The following CCR3 variants were observed in gnomAD, a reference collection of about 807,000 sequenced individuals.
CCR3 encodes C-C motif chemokine receptor 3, also known as C-C chemokine receptor type 3.
For missense variants in CCR3, 419 were observed against 437.5 expected (o/e 0.96, Z 0.38); for synonymous variants, 203 against 179.2 (o/e 1.13, Z -1.06).
upstream of CCR3, among the ~76,000 whole-genome samples, chr3:46,240,800 G>A (rs754367733): frequency 1.3e-5 from 2 of 152,132 alleles, no homozygotes; most frequent in Non-Finnish European, 2.9e-5. Flanking sequence ...AGTAGAGCAC[G>A]CTGAGGCACA....
At position 46,265,924 on chromosome 3, in the gene CCR3, A is replaced by G. The variant is rs199831473; in HGVS notation, c.766A>G (p.Asn256Asp). 5.6e-6 allele frequency: 9 copies of G among 1,614,070 alleles called. No homozygotes were observed. Among genetic ancestry groups the G allele is most frequent in the Non-Finnish European group, 7.6e-6 (9 of 1,179,986 alleles). ...AVFFIFWTPY[N>D]VAILLSSYQS... The stretch of plus-strand genomic sequence containing the variant: ...GTTTTTCATTTTCTGGACACCCTAC[A>G]ATGTGGCTATCCTTCTCTCTTCCTA... Residue 256 changes from asparagine to aspartate, a missense_variant, in exon 2 of 2, where the codon AAT (asparagine) becomes GAT (aspartate). Coordinates refer to ENST00000395940, the MANE Select transcript of CCR3 (RefSeq NM_178329.3).
chr3:46,230,873 A>G (rs111886934), intron 2 of CCR3, among the ~76,000 whole-genome samples: 1 of 152,146 alleles, frequency 6.6e-6, no homozygotes, highest in Non-Finnish European at 1.5e-5. Context: ...GTTTTTATTC[A>G]TTCAGGATTT....
intron 1 of CCR3, among the ~76,000 whole-genome samples, chr3:46,257,957 T>C (rs1346647761): frequency 6.6e-6 from 1 of 152,226 alleles, no homozygotes; most frequent in Non-Finnish European, 1.5e-5. Flanking sequence ...GGATTTCTGA[T>C]GTCTAAAGCA....
upstream of CCR3, among the ~76,000 whole-genome samples, chr3:46,239,992 A>C (rs1253699808): frequency 6.6e-6 from 1 of 152,220 alleles, no homozygotes; most frequent in Non-Finnish European, 1.5e-5. Context: ...TAATCTAGCC[A>C]AAACCAGCAG....
intron 1 of CCR3, among the ~76,000 whole-genome samples, chr3:46,257,433 T>C (rs1037361881): frequency 3.3e-5 from 5 of 151,152 alleles, no homozygotes; most frequent in African/African-American, 1.2e-4. Context: ...CAGGCTTTTT[T>C]TTTTTTTTTT....
At chr3:46,257,042 A>G (rs1303601929) in intron 1 of CCR3, among the ~76,000 whole-genome samples, 4 of 152,180 alleles carry the variant, frequency 2.6e-5, no homozygotes, top group African/African-American at 7.2e-5. Context: ...TGCATAAAAC[A>G]TAATAAAACT....
chr3:46,257,260 G>A (rs1342765778), intron 1 of CCR3, among the ~76,000 whole-genome samples: 4 of 151,988 alleles, frequency 2.6e-5, no homozygotes, highest in South Asian at 4.2e-4. Flanking sequence ...TTGGAGAGTC[G>A]TTGTTGTCTA....
chr3:46,252,663 T>C (rs1474818080), intron 1 of CCR3, among the ~76,000 whole-genome samples: 1 of 152,144 alleles, frequency 6.6e-6, no homozygotes, highest in Admixed American at 6.5e-5. Context: ...GCAAGTTGAA[T>C]ATCTAGATGG....
chr3:46,249,187 G>T (rs542863888), intron 1 of CCR3, among the ~76,000 whole-genome samples: 14 of 152,070 alleles, frequency 9.2e-5, no homozygotes, highest in Non-Finnish European at 1.9e-4. Flanking sequence ...GGACGCAAAG[G>T]AGGCTTTGGA....
Position 46,231,856 on chromosome 3 carries a change from C to T in CCR3, c.-67-10546C>T, listed in dbSNP as rs550768921. Among the ~76,000 whole-genome samples, 35 of 152,262 alleles carry T rather than the reference C, an allele frequency of 2.3e-4. 1 individual carries two copies. The South Asian group carries it at 7.2e-3, about 32-fold the overall frequency. On this transcript the variant is annotated intron_variant, in intron 2 of 3. Coordinates refer to the CCR3 transcript ENST00000357422. The stretch of plus-strand genomic sequence containing the variant: ...TATCTTGTTTCAGGAGAAACAAGAT[C>T]TATTGATCTATCCCATCTCTTTCCC...
chr3:46,239,479 G>A (rs1292774454), upstream of CCR3, among the ~76,000 whole-genome samples: 35 of 152,122 alleles, frequency 2.3e-4, no homozygotes, highest in Non-Finnish European at 1.3e-4. Context: ...GTGAAATTAG[G>A]GCTCAGGAAG....
chr3:46,260,751 A>T (rs1375351621), intron 1 of CCR3, among the ~76,000 whole-genome samples: 2 of 152,264 alleles, frequency 1.3e-5, no homozygotes, highest in Admixed American at 1.3e-4. Flanking sequence ...AGGCAGAGGA[A>T]ATTATTTTGA....
chr3:46,258,817 T>C (rs1307879311), intron 1 of CCR3, among the ~76,000 whole-genome samples: 2 of 152,114 alleles, frequency 1.3e-5, no homozygotes, highest in African/African-American at 2.4e-5. Flanking sequence ...AGGAGGATAA[T>C]ACCAAGAGTC....
chr3:46,240,228 CTGGAGCT>C (rs1700065683), upstream of CCR3, among the ~76,000 whole-genome samples: 1 of 152,188 alleles, frequency 6.6e-6, no homozygotes, highest in African/African-American at 2.4e-5. Flanking sequence ...CTCTGCAGGG[CTGGAGCT>C]TCTGAATGTG....
chr3:46,256,668 T>C (rs1045916383), intron 1 of CCR3, among the ~76,000 whole-genome samples: 4 of 152,162 alleles, frequency 2.6e-5, no homozygotes, highest in African/African-American at 9.7e-5. Flanking sequence ...ATAAATAGTG[T>C]CAAAATTTTA....
chr3:46,263,719 A>G (rs1700567929), intron 1 of CCR3: 1 of 152,184 alleles, frequency 6.6e-6, no homozygotes, highest in South Asian at 2.1e-4. Flanking sequence ...AATGGTCCTC[A>G]CTTTCGATAT....
intron 1 of CCR3, among the ~76,000 whole-genome samples, chr3:46,248,922 G>A (rs921754377): frequency 6.6e-6 from 1 of 152,184 alleles, no homozygotes; most frequent in Admixed American, 6.5e-5. Flanking sequence ...TAACTTGTAA[G>A]GCTTGTCTGG....
chr3:46,262,712 C>A (rs139732939), intron 1 of CCR3, among the ~76,000 whole-genome samples: 7 of 151,948 alleles, frequency 4.6e-5, no homozygotes, highest in Non-Finnish European at 1.0e-4. Flanking sequence ...TGGAGTGCAG[C>A]GGCGTGATCA....
At position 46,265,958 on chromosome 3, in the gene CCR3, T is replaced by A. The variant is rs41515745; in HGVS notation, c.800T>A (p.Ile267Asn). The A allele has an allele frequency of 1.3e-5, 21 of 1,614,096 alleles. No individual in the cohort carries two copies. The highest frequency in any genetic ancestry group is 5.5e-5 in the South Asian group (5 of 91,074). ...VAILLSSYQSILFGNDCERSK... is the reference protein window; with the variant it reads ...VAILLSSYQSNLFGNDCERSK... ...ATCCTTCTCTCTTCCTATCAATCCATCTTATTTGGAAATGACTGTGAGCGG... is the reference window on the plus strand; with the variant it reads ...ATCCTTCTCTCTTCCTATCAATCCAACTTATTTGGAAATGACTGTGAGCGG... The change falls in exon 2 of 2, where the codon ATC becomes AAC. Residue 267 changes from isoleucine (I) to asparagine (N), a missense_variant. By Grantham distance (149) the Ile-to-Asn change is moderately radical. Transcript: ENST00000395940.
Sources: allele counts gnomAD v4.1 joint callset (sites outside exome capture counted in the v4.1 genomes callset), GRCh38; gene constraint gnomAD v4.1.1; transcripts MANE v1.5; gene names NCBI Gene and HGNC (gene_info 2026-07-23, HGNC 2026-07-21).